VPS50: variants seen among roughly 807,000 people sequenced by gnomAD.
VPS50 encodes syndetin.
Under a neutral mutation model 139.7 loss-of-function variants are expected in VPS50, and 70 were observed. That is an observed-to-expected ratio of 0.50 (90% CI 0.41 to 0.61). The LOEUF (loss-of-function observed/expected upper bound fraction) is 0.61. Among genes scored for constraint, VPS50 ranks in the 20% least tolerant of loss-of-function variants. The pLI is 0.00. For missense variants in VPS50, 921 were observed against 1,133.7 expected (o/e 0.81, Z 2.69); for synonymous variants, 365 against 376.7 (o/e 0.97, Z 0.36).
chr7:93,355,631 G>A (rs1041999019), intron 26 of VPS50, among the ~76,000 whole-genome samples: 5 of 152,102 alleles, frequency 3.3e-5, no homozygotes, highest in African/African-American at 1.2e-4. Context: ...ACAGAGATCC[G>A]TGGTCTGTAG....
Position 93,323,670 on chromosome 7 carries a change from A to G in VPS50, c.1915A>G (p.Met639Val), listed in dbSNP as rs1259443393. Residue 639 changes from methionine to valine, a missense_variant, in exon 21 of 28, where the codon ATG (methionine) becomes GTG (valine). By Grantham distance (21) the Met-to-Val change is conservative. Around this residue, in one of 3 missense-constraint regions of VPS50, gnomAD observed 744 missense variants for 930.6 expected, o/e 0.80. Coordinates refer to ENST00000305866, the MANE Select transcript of VPS50 (RefSeq NM_017667.4). ...KPIAFDVIHF[M>V]SQLFDYYLYA... ...AATTGCCTTTGATGTTATTCATTTC[A>G]TGTCTCAACTATTTGATTATTACTT... The G allele has an allele frequency of 7.2e-7, 1 of 1,379,722 alleles. No individual in the cohort carries two copies. The highest frequency in any genetic ancestry group is 9.8e-7 in the Non-Finnish European group (1 of 1,017,034). 85.5% of individuals were successfully genotyped at this position (1,379,722 alleles called of 1,614,324 possible). A position where few individuals can be genotyped will look rare whatever the true frequency, so the allele number is the denominator to read the frequency against.
intron 8 of VPS50, among the ~76,000 whole-genome samples, chr7:93,259,217 G>A (rs1795590513): frequency 6.6e-6 from 1 of 151,890 alleles, no homozygotes; most frequent in African/African-American, 2.4e-5. Context: ...AGGCAGTACT[G>A]AAAGAAGATA....
intron 12 of VPS50, among the ~76,000 whole-genome samples, chr7:93,286,525 G>A (rs1024426098): frequency 2.6e-5 from 4 of 152,130 alleles, no homozygotes; most frequent in Non-Finnish European, 1.5e-5. Context: ...TAAGGCATGC[G>A]ACTGTAAGTT....
At chr7:93,268,434 G>T (rs1403017986) in intron 9 of VPS50, among the ~76,000 whole-genome samples, 2 of 151,982 alleles carry the variant, frequency 1.3e-5, no homozygotes, top group African/African-American at 4.8e-5. Context: ...TATCACCTAG[G>T]TATTAAATCT....
At chr7:93,248,500 T>C (rs1795220696) in intron 2 of VPS50, among the ~76,000 whole-genome samples, 1 of 152,152 alleles carries the variant, frequency 6.6e-6, no homozygotes, top group South Asian at 2.1e-4. Flanking sequence ...CTAAATCAGT[T>C]CACATCGTTA....
chr7:93,346,712 C>G (rs1222217611), intron 23 of VPS50, among the ~76,000 whole-genome samples: 1 of 148,432 alleles, frequency 6.7e-6, no homozygotes, highest in African/African-American at 2.6e-5. Flanking sequence ...CTGAGAAAAA[C>G]AAGCAATGGG....
At chr7:93,280,946 GAAAAT>G (rs758611398) in intron 12 of VPS50, among the ~76,000 whole-genome samples, 63 of 151,902 alleles carry the variant, frequency 4.1e-4, no homozygotes, top group Non-Finnish European at 8.2e-4. Flanking sequence ...TTATTTGGGG[GAAAAT>G]AAAATGTTTC....
chr7:93,354,565 G>A (rs1169622927), intron 26 of VPS50, among the ~76,000 whole-genome samples: 2 of 152,034 alleles, frequency 1.3e-5, no homozygotes, highest in African/African-American at 4.8e-5. Flanking sequence ...AAAGTACTGG[G>A]ATTACAGGCG....
At chr7:93,246,031 A>G in intron 2 of VPS50, 4 of 861,556 alleles carry the variant, frequency 4.6e-6, no homozygotes, top group Non-Finnish European at 5.5e-6. Flanking sequence ...TGAAAACTTC[A>G]TGTTTTGTTC....
Position 93,350,049 on chromosome 7 carries a change from A to G in VPS50, c.2463+16A>G, listed in dbSNP as rs749848712. On this transcript the variant is annotated intron_variant, in intron 25 of 27. Transcript: ENST00000305866. ...ACTATTAAAGGCAAGTGTTCTGGGA[A>G]GCACCTGTGCTAAAGATCAATCTAC... The G allele has an allele frequency of 1.3e-6, 2 of 1,596,542 alleles. No homozygotes were observed. The highest frequency in any genetic ancestry group is 1.1e-5 in the South Asian group (1 of 89,460).
At chr7:93,336,630 C>T (rs1798076175) in intron 22 of VPS50, among the ~76,000 whole-genome samples, 1 of 152,166 alleles carries the variant, frequency 6.6e-6, no homozygotes, top group African/African-American at 2.4e-5. Context: ...TCTCCTGCCT[C>T]AGCCTCCCGA....
intron 17 of VPS50, 88 bp from the exon 18 acceptor site, chr7:93,305,740 T>G: frequency 2.2e-6 from 2 of 893,154 alleles, no homozygotes; most frequent in Non-Finnish European, 3.6e-6. Flanking sequence ...GTTTTTCTAC[T>G]AACTCTACAT....
intron 21 of VPS50, among the ~76,000 whole-genome samples, chr7:93,331,929 A>C (rs969119375): frequency 1.3e-5 from 2 of 152,220 alleles, no homozygotes; most frequent in African/African-American, 2.4e-5. Context: ...TCTGCACTGC[A>C]AAAGAAGATA....
At chr7:93,283,680 A>G (rs537122335) in intron 12 of VPS50, among the ~76,000 whole-genome samples, 2 of 152,374 alleles carry the variant, frequency 1.3e-5, no homozygotes, top group South Asian at 4.1e-4. Flanking sequence ...GTCAAATGGC[A>G]TAAAGTATCC....
At chr7:93,264,957 G>A (rs989031834) in intron 9 of VPS50, among the ~76,000 whole-genome samples, 1 of 151,970 alleles carries the variant, frequency 6.6e-6, no homozygotes, top group Non-Finnish European at 1.5e-5. Context: ...ATTTTAACTT[G>A]TTTTTCTCTG....
intron 1 of VPS50, among the ~76,000 whole-genome samples, chr7:93,236,264 G>A (rs1442682218): frequency 6.6e-6 from 1 of 152,182 alleles, no homozygotes; most frequent in Non-Finnish European, 1.5e-5. Context: ...CCCAACTACA[G>A]CAGTTTTCAT....
At chr7:93,297,343 T>G (rs1796840744) in intron 16 of VPS50, 100 bp downstream of exon 16, 2 of 1,232,380 alleles carry the variant, frequency 1.6e-6, no homozygotes, top group Non-Finnish European at 2.1e-6. Flanking sequence ...AAACAATTAC[T>G]TTTGAATTTG....
intron 19 of VPS50, among the ~76,000 whole-genome samples, chr7:93,309,194 C>G (rs1797198094): frequency 6.6e-6 from 1 of 151,904 alleles, no homozygotes; most frequent in Non-Finnish European, 1.5e-5. Context: ...AAAACCTTTG[C>G]TGGTATCTCA....
At chr7:93,267,507 G>C (rs572915508) in intron 9 of VPS50, among the ~76,000 whole-genome samples, 1 of 152,242 alleles carries the variant, frequency 6.6e-6, no homozygotes, top group South Asian at 2.1e-4. Context: ...TTTATTACCT[G>C]CTCTGAGTTA....
Sources: gnomAD v4.1 joint callset for allele counts (sites outside exome capture counted in the v4.1 genomes callset) on GRCh38, gnomAD v4.1.1 for gene constraint, gnomAD v4.1.1 regional missense constraint, MANE v1.5 for transcripts, NCBI Gene and HGNC (gene_info 2026-07-23, HGNC 2026-07-21) for gene names.